URI1: variants seen among roughly 807,000 people sequenced by gnomAD.
URI1 encodes the protein unconventional prefoldin RPB5 interactor 1.
A neutral mutation model predicts 60.2 loss-of-function variants in URI1; 39 were observed. The observed-to-expected ratio is 0.65, with a 90% CI of 0.50 to 0.85. The LOEUF (loss-of-function observed/expected upper bound fraction) is 0.85. Ranked by LOEUF, URI1 falls within the 40% of genes least tolerant of loss-of-function variation. The pLI is 0.00. For missense variants in URI1, 691 were observed against 665.9 expected, an observed-to-expected ratio of 1.04 and a Z score of -0.42; for synonymous variants, 251 against 236.8, an observed-to-expected ratio of 1.06 and a Z score of -0.55.
In URI1 at chr19:30,009,056, G is replaced by A; in HGVS notation, c.738G>A (p.Glu246=). The A allele has an allele frequency of 6.2e-7, 1 of 1,613,736 alleles. No homozygotes were observed. Among genetic ancestry groups the A allele is most frequent in the Non-Finnish European group, 8.5e-7 (1 of 1,179,846 alleles). The change falls in exon 8 of 11, where the codon GAG becomes GAA. Residue 246 remains glutamate, a synonymous_variant. Transcript: ENST00000392271. The stretch of plus-strand genomic sequence containing the variant: ...GAGAAGATACGACATCTTCTGAAGA[G>A]GAAAAGGAAGATCGTAACACAAATG... The part of the protein sequence containing the change: ...ANGEDTTSSE[E]EKEDRNTNVN...
At chr19:29,946,076 CA>C (rs1259343801) in intron 1 of URI1, among the ~76,000 whole-genome samples, 7 of 142,798 alleles carry the variant, frequency 4.9e-5, no homozygotes, top group Non-Finnish European at 3.1e-5. Context: ...TTCCCCCCCC[CA>C]AAGGTTTTAT....
intron 1 of URI1, among the ~76,000 whole-genome samples, chr19:29,964,452 G>GTTTTTGTTTTTTTTTTTTTTTTTTTTTT (rs2055364763): frequency 7.3e-6 from 1 of 137,260 alleles, no homozygotes; most frequent in African/African-American, 2.8e-5. Context: ...TTTTGTTTTT[G>GTTTTTGTTTTTTTTTTTTTTTTTTTTTT]TTTTTTGTTT....
intron 9 of URI1, 60 bp downstream of exon 9, chr19:30,011,296 A>C (rs1245075142): frequency 2.6e-6 from 4 of 1,530,786 alleles, no homozygotes; most frequent in African/African-American, 2.8e-5. Flanking sequence ...TCTGCCACTG[A>C]ACCTTTACTG....
Position 29,926,257 on chromosome 19 carries a change from TTCC to T in URI1, c.63+2505_63+2507del, listed in dbSNP as rs2054866042. ...TCTCCTTCCTTCCTTCCTTCCTTCCTTCCTTCCTTCCTTCCTTCCTTCCTTCCT... is the reference window on the plus strand; with the variant it reads ...TCTCCTTCCTTCCTTCCTTCCTTCCTTTCCTTCCTTCCTTCCTTCCTTCCT... On this transcript the variant is annotated intron_variant, in intron 1 of 10. Transcript: ENST00000360605. Among the ~76,000 whole-genome samples the T allele has an allele frequency of 2.6e-4, 37 of 141,746 alleles. No individual in the cohort carries two copies. The South Asian group carries it at 9.1e-3, about 35-fold the overall frequency. 93.0% of individuals were successfully genotyped at this position (141,746 alleles called of 152,430 possible). A position where few individuals can be genotyped will look rare whatever the true frequency, so the allele number is the denominator to read the frequency against.
intron 2 of URI1, among the ~76,000 whole-genome samples, chr19:29,973,024 ATGGTATAT>A (rs2055477991): frequency 6.6e-6 from 1 of 152,120 alleles, no homozygotes; most frequent in Admixed American, 6.5e-5. Context: ...AGATCTATAC[ATGGTATAT>A]TGCTCAAATC....
intron 7 of URI1, among the ~76,000 whole-genome samples, 187 bp from the exon 8 acceptor site, chr19:30,008,818 A>G (rs1362878383): frequency 6.6e-6 from 1 of 152,166 alleles, no homozygotes; most frequent in Non-Finnish European, 1.5e-5. Flanking sequence ...CAATATATAG[A>G]AGCAGCATAG....
chr19:29,924,610 C>T (rs903165093), intron 1 of URI1, among the ~76,000 whole-genome samples: 7 of 152,164 alleles, frequency 4.6e-5, no homozygotes, highest in Non-Finnish European at 1.0e-4. Flanking sequence ...AGGGGTTGAG[C>T]CCCAGGCCAG....
At chr19:30,013,241 C>G (rs936936393) in intron 10 of URI1, among the ~76,000 whole-genome samples, 1 of 152,168 alleles carries the variant, frequency 6.6e-6, no homozygotes, top group Non-Finnish European at 1.5e-5. Context: ...GAACCCATGC[C>G]TGGATCAAAC....
chr19:29,936,436 A>G (rs2054973315), intron 1 of URI1, among the ~76,000 whole-genome samples: 1 of 152,032 alleles, frequency 6.6e-6, no homozygotes, highest in South Asian at 2.1e-4. Context: ...TTAGCTATTA[A>G]TGTTACTGAG....
At chr19:29,961,224 G>A (rs1368835221) in intron 1 of URI1, among the ~76,000 whole-genome samples, 1 of 148,462 alleles carries the variant, frequency 6.7e-6, no homozygotes, top group African/African-American at 2.5e-5. Flanking sequence ...TTGATCAACC[G>A]TAATTACCAT....
At chr19:29,957,850 G>A (rs1425979037) in intron 1 of URI1, 1 of 148,554 alleles carries the variant, frequency 6.7e-6, no homozygotes, top group East Asian at 2.0e-4. Context: ...TTTATTTCTA[G>A]ATACTATTTT....
chr19:29,932,800 C>T (rs1014024598), intron 1 of URI1, among the ~76,000 whole-genome samples: 6 of 151,654 alleles, frequency 4.0e-5, no homozygotes, highest in African/African-American at 1.5e-4. Flanking sequence ...TGCAGGTGCC[C>T]ATCACCACAT....
In URI1 at chr19:29,942,250, C is replaced by A. The variant is rs1328012689; in HGVS notation, c.-298C>A. On this transcript the variant is annotated 5_prime_UTR_variant, in exon 1 of 11. Coordinates refer to ENST00000392271, the MANE Select transcript of URI1 (RefSeq NM_003796.3). Reference sequence around the variant, plus strand: ...GCGAGAGGCGGGGCGTGTGGGGAGGCGCGGCCGCCACGCGACGCCTGGCTG... The same window carrying A: ...GCGAGAGGCGGGGCGTGTGGGGAGGAGCGGCCGCCACGCGACGCCTGGCTG... 1 of 984,692 alleles carries A rather than the reference C, an allele frequency of 1.0e-6. No individual in the cohort carries two copies. The highest frequency in any genetic ancestry group is 1.2e-6 in the Non-Finnish European group (1 of 829,640). The allele number at this position is 984,692 out of a possible 1,614,324, so 61.0% of individuals were successfully genotyped here.
intron 1 of URI1, among the ~76,000 whole-genome samples, chr19:29,955,436 A>G (rs963739863): frequency 2.6e-5 from 4 of 152,146 alleles, no homozygotes; most frequent in African/African-American, 7.2e-5. Context: ...ACTTTGGGTA[A>G]AGTCCTAGAG....
At chr19:29,992,405 C>G (rs537153180) in intron 4 of URI1, among the ~76,000 whole-genome samples, 13 of 152,252 alleles carry the variant, frequency 8.5e-5, no homozygotes, top group African/African-American at 2.9e-4. Context: ...TGGATCTTTC[C>G]TTTTTAATTG....
chr19:29,950,285 C>A (rs114528562), intron 1 of URI1, among the ~76,000 whole-genome samples: 1 of 152,106 alleles, frequency 6.6e-6, no homozygotes, highest in African/African-American at 2.4e-5. Context: ...GAAGAAGGTG[C>A]GTGGAATCTG....
chr19:29,980,306 G>A (rs1281658285), intron 2 of URI1: 1 of 152,090 alleles, frequency 6.6e-6, no homozygotes, highest in Non-Finnish European at 1.5e-5. Context: ...GAGCTGCTCA[G>A]TAAATGGTGG....
At chr19:29,951,186 C>T (rs1019917788) in intron 1 of URI1, among the ~76,000 whole-genome samples, 19 of 151,970 alleles carry the variant, frequency 1.3e-4, no homozygotes, top group African/African-American at 4.6e-4. Context: ...ATTTTTGTCC[C>T]ATTATTAGTG....
chr19:29,930,914 G>C (rs1284211523), intron 1 of URI1, among the ~76,000 whole-genome samples: 1 of 150,410 alleles, frequency 6.6e-6, no homozygotes, highest in East Asian at 2.0e-4. Flanking sequence ...CACCATGTTG[G>C]CCAGGCTGGC....
Sources: gnomAD v4.1 joint callset for allele counts (sites outside exome capture counted in the v4.1 genomes callset) on GRCh38, gnomAD v4.1.1 for gene constraint, MANE v1.5 for transcripts, NCBI Gene and HGNC (gene_info 2026-07-23, HGNC 2026-07-21) for gene names.